AOAH: variants seen among roughly 807,000 people sequenced by gnomAD.
AOAH encodes acyloxyacyl hydrolase.
In AOAH, 64 loss-of-function variants were observed where a neutral mutation model predicts 92.2. The ratio of observed to expected loss-of-function variants is 0.69; its 90% confidence interval spans 0.57 to 0.86. The LOEUF (loss-of-function observed/expected upper bound fraction) is 0.86. Among genes scored for constraint, AOAH ranks in the 40% least tolerant of loss-of-function variants. The pLI is 0.00. For missense variants in AOAH, 656 were observed against 694.6 expected (o/e 0.94, Z 0.62); for synonymous variants, 263 against 254.5 (o/e 1.03, Z -0.32).
chr7:36,630,942 T>G (rs1793031007), intron 6 of AOAH, among the ~76,000 whole-genome samples: 1 of 152,214 alleles, frequency 6.6e-6, no homozygotes, highest in Non-Finnish European at 1.5e-5. Flanking sequence ...CCTTACCTCA[T>G]TTTATTGTTG....
chr7:36,668,483 T>A (rs1397465375), intron 3 of AOAH, among the ~76,000 whole-genome samples: 2 of 152,162 alleles, frequency 1.3e-5, no homozygotes, highest in African/African-American at 4.8e-5. Flanking sequence ...CTTACTTCTT[T>A]TGTTGTTTGT....
intron 1 of AOAH, among the ~76,000 whole-genome samples, chr7:36,690,496 C>T (rs1254292585): frequency 6.6e-6 from 1 of 152,196 alleles, no homozygotes; most frequent in African/African-American, 2.4e-5. Flanking sequence ...AATGGAGAAA[C>T]TGACTTTTCT....
chr7:36,582,510 T>C (rs1789001757), intron 12 of AOAH, among the ~76,000 whole-genome samples: 2 of 152,204 alleles, frequency 1.3e-5, no homozygotes, highest in South Asian at 2.1e-4. Flanking sequence ...TCAAACAGAA[T>C]GGCTGTTACT....
intron 1 of AOAH, among the ~76,000 whole-genome samples, chr7:36,712,412 C>T (rs529648749): frequency 3.6e-4 from 55 of 152,192 alleles, no homozygotes; most frequent in Non-Finnish European, 6.2e-4. Context: ...TTTAAAAAAA[C>T]GAACATTCAG....
intron 12 of AOAH, among the ~76,000 whole-genome samples, chr7:36,593,706 G>C (rs1047227740): frequency 2.7e-4 from 41 of 152,198 alleles, no homozygotes; most frequent in African/African-American, 9.7e-4. Context: ...GTACTAACCA[G>C]GCCCTGCTTA....
chr7:36,521,326 C>T (rs1391167298), intron 20 of AOAH, among the ~76,000 whole-genome samples: 6 of 152,160 alleles, frequency 3.9e-5, no homozygotes, highest in South Asian at 2.1e-4. Context: ...AACAACTCCC[C>T]CACTTCTTTT....
At chr7:36,515,938 C>T in intron 20 of AOAH, among the ~76,000 whole-genome samples, 1 of 146,690 alleles carries the variant, frequency 6.8e-6, no homozygotes, top group African/African-American at 2.5e-5. Context: ...TCACACACAC[C>T]CCCACATCCC....
chr7:36,671,075 A>T (rs575386702), intron 3 of AOAH, among the ~76,000 whole-genome samples: 4 of 152,058 alleles, frequency 2.6e-5, no homozygotes, highest in Non-Finnish European at 2.9e-5. Flanking sequence ...CAGCTTGCTG[A>T]TCTGGTTCCC....
chr7:36,628,623 AGGAGGGCT>A (rs56817455), intron 6 of AOAH, among the ~76,000 whole-genome samples: 5,589 of 152,284 alleles, frequency 0.037, 201 homozygotes, highest in African/African-American at 0.096. Flanking sequence ...AGGAGCACCC[AGGAGGGCT>A]GTGCAAGCGA....
chr7:36,682,674 GA>G (rs910451106), intron 2 of AOAH, among the ~76,000 whole-genome samples: 2 of 151,496 alleles, frequency 1.3e-5, no homozygotes, highest in Non-Finnish European at 2.9e-5. Context: ...AAGAACTCAG[GA>G]AAAAATAAAA....
intron 4 of AOAH, among the ~76,000 whole-genome samples, chr7:36,639,753 T>C (rs1793770235): frequency 6.6e-6 from 1 of 152,256 alleles, no homozygotes; most frequent in African/African-American, 2.4e-5. Context: ...TGCACTGATA[T>C]GCAAGTGAAG....
chr7:36,718,125 C>A (rs929819195), intron 1 of AOAH, among the ~76,000 whole-genome samples: 1 of 151,544 alleles, frequency 6.6e-6, no homozygotes, highest in Non-Finnish European at 1.5e-5. Flanking sequence ...AAAGACAAAC[C>A]CAATTTAAAG....
chr7:36,681,704 G>C (rs1796655118), intron 2 of AOAH, among the ~76,000 whole-genome samples: 1 of 152,250 alleles, frequency 6.6e-6, no homozygotes, highest in South Asian at 2.1e-4. Context: ...GGGAGGCTGA[G>C]GCAGGAGAAT....
intron 13 of AOAH, among the ~76,000 whole-genome samples, chr7:36,570,027 G>A (rs756147248): frequency 2.6e-5 from 4 of 151,988 alleles, no homozygotes; most frequent in Admixed American, 2.0e-4. Flanking sequence ...CACTTAACAT[G>A]GTAACTGTTC....
At chr7:36,613,042 T>C (rs956914232) in intron 11 of AOAH, among the ~76,000 whole-genome samples, 2 of 152,228 alleles carry the variant, frequency 1.3e-5, no homozygotes, top group Non-Finnish European at 2.9e-5. Flanking sequence ...TTTGTGTGCT[T>C]CCTTTTACAA....
intron 6 of AOAH, 33 bp from the exon 7 acceptor site, chr7:36,623,283 T>A: frequency 6.3e-7 from 1 of 1,598,894 alleles, no homozygotes; most frequent in Non-Finnish European, 8.6e-7. Flanking sequence ...ATCGGTGAGC[T>A]AACAAAAAAA....
chr7:36,688,403 C>T (rs1164855065), intron 1 of AOAH, among the ~76,000 whole-genome samples: 1 of 151,932 alleles, frequency 6.6e-6, no homozygotes, highest in African/African-American at 2.4e-5. Context: ...ACATTTAATA[C>T]AAGTAAATAT....
intron 5 of AOAH, 130 bp downstream of exon 5, chr7:36,637,721 T>A: frequency 1.3e-6 from 1 of 794,950 alleles, no homozygotes. Flanking sequence ...CCTACTTCCA[T>A]CCCCACGTAG....
chr7:36,686,293 T>C (rs988188355), intron 2 of AOAH, among the ~76,000 whole-genome samples: 1 of 152,190 alleles, frequency 6.6e-6, no homozygotes, highest in African/African-American at 2.4e-5. Context: ...TCTGTGTTGG[T>C]AGGGCTAGGT....
Sources: gnomAD v4.1 joint callset for allele counts (sites outside exome capture counted in the v4.1 genomes callset) on GRCh38, gnomAD v4.1.1 for gene constraint, MANE v1.5 for transcripts, NCBI Gene and HGNC (gene_info 2026-07-23, HGNC 2026-07-21) for gene names.